Variants in HDAC9 observed in about 807,000 individuals in gnomAD.
HDAC9 encodes histone deacetylase 9, also known as MEF-2 interacting transcription repressor (MITR) protein.
HDAC9 carries 41 observed loss-of-function variants against 139.4 expected under a neutral mutation model. That is an observed-to-expected ratio of 0.29 (90% CI 0.23 to 0.38). HDAC9 has a LOEUF of 0.38. Among genes scored for constraint, HDAC9 ranks in the 10% least tolerant of loss-of-function variants. HDAC9 has a pLI of 1.00. For synonymous variants in HDAC9, 517 were observed against 476.2 expected, an observed-to-expected ratio of 1.09 and a Z score of -1.12; for missense variants, 1,147 against 1,297.0, an observed-to-expected ratio of 0.88 and a Z score of 1.78.
chr7:18,470,652 A>C (rs1208471245), intron 1 of HDAC9, among the ~76,000 whole-genome samples: 3 of 152,180 alleles, frequency 2.0e-5, no homozygotes, highest in Non-Finnish European at 4.4e-5. Flanking sequence ...GCTTTTTAGC[A>C]GGAAAAAAAC....
At chr7:18,880,294 A>G (rs1343256250) in intron 22 of HDAC9, among the ~76,000 whole-genome samples, 2 of 152,182 alleles carry the variant, frequency 1.3e-5, no homozygotes, top group African/African-American at 2.4e-5. Context: ...TGATCCAGCA[A>G]TCCCATTACT....
At chr7:18,113,675 A>G (rs1418854419) in intron 1 of HDAC9, among the ~76,000 whole-genome samples, 6 of 152,236 alleles carry the variant, frequency 3.9e-5, no homozygotes, top group African/African-American at 1.4e-4. Flanking sequence ...TTATTTGTAT[A>G]TGTATGCTTC....
intron 2 of HDAC9, among the ~76,000 whole-genome samples, chr7:18,503,801 A>G (rs1218702137): frequency 1.3e-5 from 2 of 152,164 alleles, no homozygotes; most frequent in South Asian, 2.1e-4. Context: ...TTCATAATGT[A>G]TGTTCATTAT....
intron 2 of HDAC9, among the ~76,000 whole-genome samples, chr7:18,274,483 G>A (rs373056512): frequency 2.0e-5 from 3 of 152,190 alleles, no homozygotes; most frequent in East Asian, 3.9e-4. Flanking sequence ...CCAAGAGAAG[G>A]CATTAATCTA....
At chr7:18,810,216 C>T (rs1329776853) in intron 17 of HDAC9, among the ~76,000 whole-genome samples, 4 of 151,796 alleles carry the variant, frequency 2.6e-5, no homozygotes, top group Non-Finnish European at 5.9e-5. Flanking sequence ...TTAAAAACAA[C>T]AACAATAACA....
chr7:18,455,637 A>G (rs1369665214), intron 1 of HDAC9, among the ~76,000 whole-genome samples: 1 of 152,206 alleles, frequency 6.6e-6, no homozygotes, highest in African/African-American at 2.4e-5. Context: ...TTGCACACCC[A>G]GAAGACAGTG....
At chr7:18,745,482 A>C (rs1236120437) in intron 13 of HDAC9, among the ~76,000 whole-genome samples, 3 of 151,318 alleles carry the variant, frequency 2.0e-5, no homozygotes, top group Admixed American at 6.6e-5. Context: ...ATATGTCAAG[A>C]GATGAAATAG....
intron 17 of HDAC9, among the ~76,000 whole-genome samples, chr7:18,813,536 T>A (rs1794344858): frequency 6.6e-6 from 1 of 152,156 alleles, no homozygotes; most frequent in African/African-American, 2.4e-5. Flanking sequence ...ATTTATTTAT[T>A]TATCTATTTA....
chr7:18,193,525 A>G (rs12667991), intron 2 of HDAC9, among the ~76,000 whole-genome samples: 53,281 of 151,938 alleles, frequency 0.35, 9,586 homozygotes, highest in South Asian at 0.55. Flanking sequence ...ATGTAGCGCC[A>G]TGCTATATAA....
At chr7:18,555,540 T>C (rs186736817) in intron 2 of HDAC9, among the ~76,000 whole-genome samples, 85 of 152,170 alleles carry the variant, frequency 5.6e-4, no homozygotes, top group African/African-American at 2.0e-3. Flanking sequence ...TACAATACAA[T>C]ATGACTATAT....
intron 8 of HDAC9, among the ~76,000 whole-genome samples, chr7:18,642,995 C>G (rs1049885157): frequency 3.3e-5 from 5 of 152,028 alleles, no homozygotes; most frequent in African/African-American, 1.2e-4. Context: ...CTTATTTTTC[C>G]ACACTTATTT....
At chr7:18,916,801 A>G (rs1275335717) in intron 22 of HDAC9, among the ~76,000 whole-genome samples, 1 of 151,898 alleles carries the variant, frequency 6.6e-6, no homozygotes, top group Non-Finnish European at 1.5e-5. Context: ...CTTGCTGGCC[A>G]TGTCTTCGCA....
intron 17 of HDAC9, among the ~76,000 whole-genome samples, chr7:18,818,520 C>T (rs1794734716): frequency 6.6e-6 from 1 of 152,164 alleles, no homozygotes; most frequent in Admixed American, 6.5e-5. Flanking sequence ...CATAGACTTA[C>T]TATTCTCTGC....
intron 24 of HDAC9, among the ~76,000 whole-genome samples, chr7:18,972,318 G>A (rs1221276987): frequency 6.6e-6 from 1 of 151,218 alleles, no homozygotes. Flanking sequence ...ATTAGTGTGG[G>A]ATCTCCAAGC....
At chr7:18,521,785 G>C (rs1288852946) in intron 2 of HDAC9, among the ~76,000 whole-genome samples, 1 of 151,974 alleles carries the variant, frequency 6.6e-6, no homozygotes, top group Non-Finnish European at 1.5e-5. Context: ...ATTTTACTTA[G>C]TATTGTTTTT....
chr7:18,486,164 C>A (rs914586319), intron 1 of HDAC9, among the ~76,000 whole-genome samples: 1 of 152,054 alleles, frequency 6.6e-6, no homozygotes, highest in Non-Finnish European at 1.5e-5. Flanking sequence ...CCTGAAGGAC[C>A]TAATCACCTC....
At chr7:18,462,621 T>C (rs1462088991) in intron 1 of HDAC9, among the ~76,000 whole-genome samples, 2 of 152,064 alleles carry the variant, frequency 1.3e-5, no homozygotes, top group Non-Finnish European at 2.9e-5. Flanking sequence ...GTATAAAATA[T>C]CATGATATTG....
In HDAC9 at chr7:18,693,480, G is replaced by A. The variant is rs188905587; in HGVS notation, c.1731+27004G>A. On this transcript the variant is annotated intron_variant, in intron 12 of 25. Transcript: ENST00000686413. ...TAACTAAATATTCAATATGAGCAAA[G>A]AAGTTACACAATTTACTTTTAACGA... Among the ~76,000 whole-genome samples the A allele has an allele frequency of 1.4e-4, 21 of 152,274 alleles. No homozygotes were observed. In the South Asian group the frequency reaches 4.3e-3, roughly 32 times the overall value.
At chr7:18,571,496 G>T (rs549615850) in intron 2 of HDAC9, among the ~76,000 whole-genome samples, 1 of 152,088 alleles carries the variant, frequency 6.6e-6, no homozygotes, top group Non-Finnish European at 1.5e-5. Flanking sequence ...GGAACTGTTC[G>T]TAAGATTTTA....
Sources: allele counts gnomAD v4.1 joint callset (sites outside exome capture counted in the v4.1 genomes callset), GRCh38; gene constraint gnomAD v4.1.1; transcripts MANE v1.5; gene names NCBI Gene and HGNC (gene_info 2026-07-23, HGNC 2026-07-21).